The following ERCC6L2 variants were observed in gnomAD, a reference collection of about 807,000 sequenced individuals.
ERCC6L2 encodes the protein ERCC excision repair 6 like 2, also known as DNA excision repair protein ERCC-6-like 2.
Under a neutral mutation model 132.0 loss-of-function variants are expected in ERCC6L2, and 77 were observed. The ratio of observed to expected loss-of-function variants is 0.58; its 90% CI spans 0.49 to 0.71. The LOEUF (loss-of-function observed/expected upper bound fraction) is 0.71, where lower values mean the gene tolerates loss of function less well. Among genes scored for constraint, ERCC6L2 ranks in the 30% least tolerant of loss-of-function variants. The pLI is 0.00. For synonymous variants in ERCC6L2, 583 were observed against 632.4 expected (o/e 0.92, Z 1.17); for missense variants, 1,542 against 1,837.6 (o/e 0.84, Z 2.94).
At chr9:96,021,209 C>A (rs886992597), downstream of ERCC6L2, 5 of 350,576 alleles carry the variant, frequency 1.4e-5, no homozygotes, top group African/African-American at 1.1e-4. This position sits in a 1 kb window ranked among gnomAD's most constrained non-coding sequence, Gnocchi z 4.7. Context: ...CGAAGGGCAC[C>A]CGCGGCGGGG....
intron 17 of ERCC6L2, among the ~76,000 whole-genome samples, chr9:95,982,417 A>G (rs1156942112): frequency 6.6e-6 from 1 of 152,112 alleles, no homozygotes; most frequent in African/African-American, 2.4e-5. Context: ...GGAGTCAGCA[A>G]GGAGGGATGG....
rs924020359 is a variant in ERCC6L2 at position 96,015,641 on chromosome 9, A to AG, written c.*2438_*2439insG. On this transcript the variant is annotated 3_prime_UTR_variant, in exon 19 of 19. Transcript: ENST00000653738. ...AAACCCCGTCTCTACTAAAAAAAAA[A>AG]AAAATACAAAAATTAGCCAGGCGTG... Among the ~76,000 whole-genome samples, 15 of 151,474 alleles carry AG rather than the reference A, an allele frequency of 9.9e-5. No individual in the cohort carries two copies. Among genetic ancestry groups the AG allele is most frequent in the Admixed American group, 9.2e-4 (14 of 15,246 alleles).
intron 17 of ERCC6L2, among the ~76,000 whole-genome samples, chr9:96,003,174 T>C (rs947219003): frequency 6.6e-6 from 1 of 152,220 alleles, no homozygotes; most frequent in Non-Finnish European, 1.5e-5. Context: ...TCAGTTCTTA[T>C]ATTTGTTACA....
chr9:95,960,904 C>G (rs55881510), intron 13 of ERCC6L2, among the ~76,000 whole-genome samples: 4,608 of 152,132 alleles, frequency 0.03, 92 homozygotes, highest in East Asian at 0.13. Context: ...GATTCTAGCC[C>G]GGATGACTTC....
At chr9:95,942,528 T>G (rs1830854079) in intron 12 of ERCC6L2, among the ~76,000 whole-genome samples, 1 of 150,368 alleles carries the variant, frequency 6.7e-6, no homozygotes, top group African/African-American at 2.5e-5. Flanking sequence ...AATGGAAGGA[T>G]ATGGAAAAAA....
intron 19 of ERCC6L2, among the ~76,000 whole-genome samples, chr9:96,034,012 G>A (rs1465542674): frequency 6.6e-6 from 1 of 152,220 alleles, no homozygotes; most frequent in Admixed American, 6.5e-5. Context: ...CCGGGTGGCT[G>A]CCAGCTCTGA....
intron 17 of ERCC6L2, among the ~76,000 whole-genome samples, chr9:96,003,611 C>T (rs1197507033): frequency 6.6e-6 from 1 of 152,120 alleles, no homozygotes; most frequent in Non-Finnish European, 1.5e-5. Context: ...CTCCCATTTC[C>T]ACATGGGTGC....
intron 2 of ERCC6L2, among the ~76,000 whole-genome samples, chr9:95,883,794 G>T (rs1587839032): frequency 6.6e-6 from 1 of 152,196 alleles, no homozygotes; most frequent in African/African-American, 2.4e-5. Context: ...GGAGGCAGAG[G>T]TTGCAGTAAG....
intron 2 of ERCC6L2, among the ~76,000 whole-genome samples, chr9:95,895,623 T>C (rs1446946279): frequency 6.6e-6 from 1 of 152,136 alleles, no homozygotes; most frequent in African/African-American, 2.4e-5. Flanking sequence ...TTTATCATAA[T>C]CTAACATAAA....
intron 4 of ERCC6L2, among the ~76,000 whole-genome samples, chr9:95,910,635 C>T (rs551878742): frequency 1.1e-4 from 17 of 152,176 alleles, no homozygotes; most frequent in East Asian, 5.8e-4. Context: ...TTCATCCATT[C>T]GGATAATCTT....
downstream of ERCC6L2, chr9:96,021,259 C>T (rs975683706): frequency 5.8e-6 from 2 of 346,588 alleles, no homozygotes; most frequent in Non-Finnish European, 1.1e-5. The surrounding 1 kb of genome is among the most constrained non-coding windows in gnomAD (Gnocchi z 4.7). Flanking sequence ...GCAACCCGTT[C>T]CTCCGAATCA....
chr9:95,893,653 C>T (rs1014237450), intron 2 of ERCC6L2, among the ~76,000 whole-genome samples: 3 of 151,954 alleles, frequency 2.0e-5, no homozygotes. Flanking sequence ...ATTTAAATTT[C>T]CTTTTCTTGT....
rs1405184540 is a variant in ERCC6L2, at chr9:96,015,218, C to T, written c.*2015C>T. Among the ~76,000 whole-genome samples, 10 of 149,374 alleles carry T rather than the reference C, an allele frequency of 6.7e-5. No homozygotes were observed. Among genetic ancestry groups the T allele is most frequent in the African/African-American group, 2.0e-4 (8 of 40,606 alleles). ...TTTTTTTTTTTTTGAGACGGAGTCT[C>T]ACTCTGTCGCCAGGCTGGAGTGCAG... On this transcript the variant is annotated 3_prime_UTR_variant, in exon 19 of 19. Transcript: ENST00000653738.
chr9:95,973,491 C>T (rs1222028674), intron 16 of ERCC6L2, among the ~76,000 whole-genome samples: 2 of 152,134 alleles, frequency 1.3e-5, no homozygotes, highest in African/African-American at 4.8e-5. Flanking sequence ...TTCACAGTTC[C>T]ACATGGCTAG....
At chr9:95,916,021 T>G (rs978246238) in intron 5 of ERCC6L2, among the ~76,000 whole-genome samples, 192 bp downstream of exon 5, 12 of 152,202 alleles carry the variant, frequency 7.9e-5, no homozygotes, top group Non-Finnish European at 1.5e-5. Context: ...TCTTGGTCCC[T>G]GAAGTAAATA....
At chr9:96,019,697 C>A (rs951198637), downstream of ERCC6L2, 9 of 152,290 alleles carry the variant, frequency 5.9e-5, no homozygotes, top group African/African-American at 9.7e-5. Flanking sequence ...TCCATTCTCA[C>A]GCTGCTATGA....
chr9:95,981,840 G>C (rs1211796166), intron 17 of ERCC6L2, among the ~76,000 whole-genome samples: 1 of 152,106 alleles, frequency 6.6e-6, no homozygotes, highest in Non-Finnish European at 1.5e-5. Context: ...AATGTACAAA[G>C]ACAGCCTTCA....
intron 19 of ERCC6L2, among the ~76,000 whole-genome samples, chr9:96,027,281 C>T (rs1440255345): frequency 6.6e-6 from 1 of 152,182 alleles, no homozygotes; most frequent in Non-Finnish European, 1.5e-5. Flanking sequence ...CTCTAGTTCC[C>T]GGCAAAGCAG....
At chr9:96,008,349 T>C (rs1455665164) in intron 18 of ERCC6L2, among the ~76,000 whole-genome samples, 1 of 152,164 alleles carries the variant, frequency 6.6e-6, no homozygotes, top group Non-Finnish European at 1.5e-5. Flanking sequence ...TGAAGCTGCC[T>C]CTTCAACCTC....
Sources: allele counts gnomAD v4.1 joint callset (sites outside exome capture counted in the v4.1 genomes callset), GRCh38; gene constraint gnomAD v4.1.1; non-coding constraint Gnocchi (gnomAD v3.1); transcripts MANE v1.5; gene names NCBI Gene and HGNC (gene_info 2026-07-23, HGNC 2026-07-21).